Variants in DPP6 observed in about 807,000 individuals in gnomAD.
DPP6 encodes A-type potassium channel modulatory protein DPP6.
A neutral mutation model predicts 122.6 loss-of-function variants in DPP6; 69 were observed. The observed-to-expected ratio is 0.56, with a 90% confidence interval of 0.46 to 0.69. The LOEUF (loss-of-function observed/expected upper bound fraction) is 0.69, where lower values mean the gene tolerates loss of function less well. DPP6 is among the 30% of genes least tolerant of loss of function. DPP6 has a pLI of 0.00. For synonymous variants in DPP6, 418 were observed against 433.1 expected (o/e 0.97, Z 0.43); for missense variants, 928 against 1,116.9 (o/e 0.83, Z 2.41).
intron 16 of DPP6, among the ~76,000 whole-genome samples, chr7:154,810,150 C>G (rs973856601): frequency 3.1e-5 from 2 of 63,794 alleles, no homozygotes; most frequent in Non-Finnish European, 9.8e-5. Flanking sequence ...GCCACCTCAC[C>G]TGGCCCTTAC....
the DPP6 span, among the ~76,000 whole-genome samples, chr7:153,784,230 T>A: frequency 3.3e-5 from 5 of 152,234 alleles, no homozygotes; most frequent in Non-Finnish European, 7.3e-5. Flanking sequence ...ATTGCCCTCA[T>A]GTAATCTATC....
upstream of DPP6, among the ~76,000 whole-genome samples, chr7:154,050,386 T>G (rs1800239758): frequency 1.3e-5 from 2 of 152,240 alleles, no homozygotes; most frequent in Non-Finnish European, 2.9e-5. Flanking sequence ...GTATAAACTA[T>G]ATTAGTATGA....
chr7:154,371,239 C>T (rs1472380302), intron 1 of DPP6, among the ~76,000 whole-genome samples: 1 of 151,802 alleles, frequency 6.6e-6, no homozygotes, highest in African/African-American at 2.4e-5. Context: ...ATTAGCCAGG[C>T]ATGGTGGCAG....
At chr7:154,795,512 T>C (rs1279916562) in intron 11 of DPP6, among the ~76,000 whole-genome samples, 2 of 152,180 alleles carry the variant, frequency 1.3e-5, no homozygotes, top group Non-Finnish European at 2.9e-5. Context: ...GATGGACACA[T>C]GCCCGGGCAG....
chr7:154,525,874 AT>A (rs1827368380), intron 3 of DPP6, among the ~76,000 whole-genome samples: 2 of 152,082 alleles, frequency 1.3e-5, no homozygotes, highest in African/African-American at 4.8e-5. Context: ...AATGCACATA[AT>A]TTCTTTTACA....
intron 1 of DPP6, among the ~76,000 whole-genome samples, chr7:153,975,877 C>CTCT (rs1796275713): frequency 6.6e-6 from 1 of 152,222 alleles, no homozygotes; most frequent in Non-Finnish European, 1.5e-5. Flanking sequence ...TATGAAACCT[C>CTCT]TCTTAGCCTC....
intron 1 of DPP6, among the ~76,000 whole-genome samples, chr7:154,362,580 A>ATT (rs35131020): frequency 0.21 from 28,308 of 132,946 alleles, 3,034 homozygotes; most frequent in African/African-American, 0.27. Context: ...ATGCCATGCT[A>ATT]TTTTTTTTTT....
chr7:154,162,651 G>C (rs1193784727), intron 1 of DPP6, among the ~76,000 whole-genome samples: 4 of 152,118 alleles, frequency 2.6e-5, no homozygotes, highest in Non-Finnish European at 4.4e-5. Context: ...TGCTAACATT[G>C]AGTGGAATTT....
chr7:154,843,483 C>T (rs994222043), intron 16 of DPP6, among the ~76,000 whole-genome samples: 17 of 152,340 alleles, frequency 1.1e-4, no homozygotes, highest in African/African-American at 3.8e-4. Context: ...TACAGGCAGA[C>T]ACCATCTGCT....
chr7:153,752,723 T>C, the DPP6 span, among the ~76,000 whole-genome samples: 3 of 122,584 alleles, frequency 2.4e-5, 1 homozygote, highest in Non-Finnish European at 5.0e-5. Flanking sequence ...GGTATGTGCC[T>C]GAGGTCCTAT....
intron 3 of DPP6, among the ~76,000 whole-genome samples, chr7:154,513,485 G>C (rs192885204): frequency 5.9e-4 from 90 of 152,154 alleles, no homozygotes; most frequent in Non-Finnish European, 1.0e-3. Context: ...GAAGATTTTG[G>C]ATAAGTGGAT....
intron 1 of DPP6, among the ~76,000 whole-genome samples, chr7:154,210,537 C>T (rs1488255959): frequency 6.6e-6 from 1 of 152,176 alleles, no homozygotes; most frequent in African/African-American, 2.4e-5. Flanking sequence ...TTGTGAGTGT[C>T]TGGTGCATTC....
intron 1 of DPP6, among the ~76,000 whole-genome samples, chr7:154,093,273 C>T (rs958482885): frequency 6.8e-6 from 1 of 147,458 alleles, no homozygotes; most frequent in Non-Finnish European, 1.5e-5. Context: ...ATCCTACATA[C>T]ATCATACACA....
intron 8 of DPP6, among the ~76,000 whole-genome samples, chr7:154,735,967 G>A (rs140959682): frequency 1.2e-4 from 19 of 152,286 alleles, no homozygotes; most frequent in African/African-American, 3.1e-4. Flanking sequence ...CCCTGCCATC[G>A]TCTGCTCTCA....
intron 1 of DPP6, among the ~76,000 whole-genome samples, chr7:153,965,386 T>C (rs753469294): frequency 3.9e-4 from 60 of 152,140 alleles, no homozygotes; most frequent in Non-Finnish European, 6.3e-4. Flanking sequence ...TAGGCAGCGC[T>C]CCTCATGGCC....
chr7:154,035,882 A>G (rs1297790122), intron 1 of DPP6, among the ~76,000 whole-genome samples: 1 of 152,120 alleles, frequency 6.6e-6, no homozygotes, highest in Non-Finnish European at 1.5e-5. Context: ...CCTTGATATT[A>G]GAGACCTTGG....
chr7:153,993,417 T>C (rs1311897729), intron 1 of DPP6, among the ~76,000 whole-genome samples: 1 of 152,274 alleles, frequency 6.6e-6, no homozygotes, highest in Admixed American at 6.5e-5. Context: ...AATGATCTGC[T>C]GAGAGCCCAG....
chr7:154,621,579 C>A (rs1586750595), intron 5 of DPP6, among the ~76,000 whole-genome samples: 1 of 152,146 alleles, frequency 6.6e-6, no homozygotes, highest in African/African-American at 2.4e-5. Context: ...GTTGGCCAGG[C>A]TGGTCTTGAA....
At chr7:154,547,911 T>G (rs958969933) in intron 4 of DPP6, among the ~76,000 whole-genome samples, 3 of 152,230 alleles carry the variant, frequency 2.0e-5, no homozygotes, top group Non-Finnish European at 2.9e-5. Context: ...ATGATTTTAC[T>G]TTTTAAAGTG....
Sources: allele counts gnomAD v4.1 joint callset (sites outside exome capture counted in the v4.1 genomes callset), GRCh38; gene constraint gnomAD v4.1.1; transcripts MANE v1.5; gene names NCBI Gene and HGNC (gene_info 2026-07-23, HGNC 2026-07-21).